Variants in BAIAP2 observed in about 807,000 individuals in gnomAD.
BAIAP2 encodes BAR/IMD domain-containing adapter protein 2.
BAIAP2 carries 18 observed loss-of-function variants against 63.0 expected under a neutral mutation model. The observed-to-expected ratio is 0.29, with a 90% CI of 0.20 to 0.42. The LOEUF (loss-of-function observed/expected upper bound fraction) is 0.42. Ranked by LOEUF, BAIAP2 falls within the 10% of genes least tolerant of loss-of-function variation. The probability of loss-of-function intolerance (pLI) is 1.00; values close to 1 mark genes in which losing one functional copy is unlikely to be tolerated. For missense variants in BAIAP2, 610 were observed against 734.3 expected (o/e 0.83, Z 1.96); for synonymous variants, 386 against 307.6 (o/e 1.25, Z -2.67).
At chr17:81,086,881 C>T (rs868582391) in intron 6 of BAIAP2, 4 of 289,094 alleles carry the variant, frequency 1.4e-5, no homozygotes, top group South Asian at 5.6e-5. Context: ...CATCCCTGCC[C>T]GGGAGTCCGG....
rs574692154 is a variant in BAIAP2, at chr17:81,116,614, G to T, written c.*775G>T. The T allele has an allele frequency of 6.6e-4, 288 of 434,924 alleles. 5 individuals carry two copies. In the South Asian group the frequency reaches 7.8e-3, roughly 12 times the overall value. The allele number at this position is 434,924 out of a possible 1,614,324, so 26.9% of individuals were successfully genotyped here. A position where few individuals can be genotyped will look rare whatever the true frequency, so the allele number is the denominator to read the frequency against. ...CAGGTGGGGGCTTCCCCGCTTCCGG[G>T]GTCTGCCCCAGGACTCCTGGGTGGA... On this transcript the variant is annotated 3_prime_UTR_variant, in exon 14 of 14. Coordinates refer to ENST00000428708, the MANE Select transcript of BAIAP2 (RefSeq NM_001144888.2).
At chr17:81,102,731 GT>G (rs11352809) in intron 7 of BAIAP2, among the ~76,000 whole-genome samples, 101,877 of 151,978 alleles carry the variant, frequency 0.67, 34,819 homozygotes, top group East Asian at 0.85. Flanking sequence ...ACGGGGATGA[GT>G]TGGGGGGAGC....
intron 7 of BAIAP2, among the ~76,000 whole-genome samples, chr17:81,101,637 A>G (rs1331861043): frequency 1.4e-5 from 1 of 69,798 alleles, no homozygotes; most frequent in Non-Finnish European, 4.0e-5. Flanking sequence ...GCGTGCGTGC[A>G]CACACACACA....
intron 10 of BAIAP2, chr17:81,105,372 C>T (rs1202094307): frequency 1.3e-5 from 2 of 154,060 alleles, no homozygotes; most frequent in African/African-American, 4.8e-5. Context: ...CATCAGTTTC[C>T]CACAGTTCGC....
At chr17:81,041,614 G>T (rs2047090442) in intron 1 of BAIAP2, among the ~76,000 whole-genome samples, 1 of 151,948 alleles carries the variant, frequency 6.6e-6, no homozygotes. Context: ...TGCTCTTGTT[G>T]CCCAGGCTGG....
At chr17:81,074,115 A>AG (rs1489829859) in intron 3 of BAIAP2, among the ~76,000 whole-genome samples, 2 of 152,218 alleles carry the variant, frequency 1.3e-5, no homozygotes, top group East Asian at 3.8e-4. Context: ...TGATGAGAGG[A>AG]GGATGCGTCT....
chr17:81,109,226 C>A, intron 13 of BAIAP2: 1 of 1,376,594 alleles, frequency 7.3e-7, no homozygotes, highest in Non-Finnish European at 9.4e-7. Flanking sequence ...CCTGTGTGTC[C>A]CAGCCTTTTG....
intron 1 of BAIAP2, 83 bp from the exon 2 acceptor site, chr17:81,053,585 G>A (rs1460174551): frequency 6.6e-7 from 1 of 1,507,564 alleles, no homozygotes; most frequent in Non-Finnish European, 9.2e-7. Context: ...CCTGCTCTGG[G>A]TTTTCTCCTC....
intron 3 of BAIAP2, among the ~76,000 whole-genome samples, chr17:81,077,698 G>A (rs185849470): frequency 1.3e-5 from 2 of 152,272 alleles, no homozygotes; most frequent in African/African-American, 2.4e-5. Context: ...CTGAGTATGC[G>A]GGTGGCTGTG....
chr17:81,092,368 C>T (rs746133018), intron 6 of BAIAP2, among the ~76,000 whole-genome samples: 9 of 152,226 alleles, frequency 5.9e-5, no homozygotes, highest in Non-Finnish European at 1.3e-4. Flanking sequence ...GGCCTTCAGC[C>T]TGAGCTGAAA....
chr17:81,112,877 C>T (rs2060079422), intron 13 of BAIAP2, among the ~76,000 whole-genome samples: 1 of 151,860 alleles, frequency 6.6e-6, no homozygotes, highest in Non-Finnish European at 1.5e-5. Flanking sequence ...CTAGGGAGAC[C>T]CCCATCTTGA....
At position 81,085,338 on chromosome 17, in the gene BAIAP2, C is replaced by T. The variant is rs879356625; in HGVS notation, c.280-316C>T. 128 of 551,030 alleles carry T rather than the reference C, an allele frequency of 2.3e-4. No individual in the cohort carries two copies. The Admixed American group carries it at 3.5e-3, about 15-fold the overall frequency. 34.1% of individuals were successfully genotyped at this position (551,030 alleles called of 1,614,324 possible). ...TGTCAGTTCAGGCCCATGGGCCCTG[C>T]GACCTCTCAGCCTGTGTCGCAGTGA... On this transcript the variant is annotated intron_variant, in intron 4 of 13. Coordinates refer to ENST00000428708, the MANE Select transcript of BAIAP2 (RefSeq NM_001144888.2).
intron 1 of BAIAP2, among the ~76,000 whole-genome samples, chr17:81,043,842 C>T (rs576741486): frequency 1.3e-5 from 2 of 152,358 alleles, no homozygotes; most frequent in East Asian, 1.9e-4. Context: ...CGCGTCTGTC[C>T]TTCCGTTCGG....
chr17:81,112,033 G>A lies in BAIAP2; in HGVS notation c.1535+3524G>A, dbSNP rs141546606. Among the ~76,000 whole-genome samples the A allele has an allele frequency of 9.9e-4, 151 of 152,368 alleles. 2 individuals carry two copies. Among genetic ancestry groups the A allele is most frequent in the Middle Eastern group, 3.4e-3 (1 of 294 alleles). On this transcript the variant is annotated intron_variant, in intron 13 of 13. Transcript: ENST00000428708. ...TCGGCAACAAATTCTGGAAGATTAG[G>A]TAGAAAAATGCTCCTGAACTTTGGG...
At chr17:81,098,672 A>G (rs1016378739) in intron 6 of BAIAP2, among the ~76,000 whole-genome samples, 4 of 152,140 alleles carry the variant, frequency 2.6e-5, no homozygotes, top group Non-Finnish European at 4.4e-5. Context: ...TGGGGAAATC[A>G]TTTTGGCTGG....
rs2060568178 is a variant in BAIAP2, at chr17:81,117,043, A to G, written c.*1204A>G. 3 of 152,296 alleles carry G rather than the reference A, an allele frequency of 2.0e-5. No homozygotes were observed. Among genetic ancestry groups the G allele is most frequent in the Admixed American group, 2.0e-4 (3 of 15,288 alleles). 9.4% of individuals were successfully genotyped at this position (152,296 alleles called of 1,614,324 possible). A position where few individuals can be genotyped will look rare whatever the true frequency, so the allele number is the denominator to read the frequency against. On this transcript the variant is annotated 3_prime_UTR_variant, in exon 14 of 14. Coordinates refer to ENST00000428708, the MANE Select transcript of BAIAP2 (RefSeq NM_001144888.2). The stretch of plus-strand genomic sequence containing the variant: ...CTGTCCTGGAGAGGCCTGTAGGTCC[A>G]TTCTTCACCCGTCCCTACCAGGCCA...
At position 81,046,970 on chromosome 17, in the gene BAIAP2, G is replaced by A. The variant is rs1028644217; in HGVS notation, c.55-6698G>A. 2.0e-5 allele frequency among the ~76,000 whole-genome samples: 3 copies of A among 152,206 alleles called. No individual in the cohort carries two copies. The highest frequency in any genetic ancestry group is 1.9e-4 in the East Asian group (1 of 5,196). On this transcript the variant is annotated intron_variant, in intron 1 of 13. Coordinates refer to ENST00000428708, the MANE Select transcript of BAIAP2 (RefSeq NM_001144888.2). The surrounding 1 kb of genome is among the most constrained non-coding windows in gnomAD (Gnocchi z 4.5). ...CAGCTGCCACCGGCTTCTGCCTGTC[G>A]CGACAGAGGTGGAAGTGAGGGCGGT...
At chr17:81,089,578 T>TCTCAGGTGGGGGGACA (rs11268331) in intron 6 of BAIAP2, among the ~76,000 whole-genome samples, 5 of 152,086 alleles carry the variant, frequency 3.3e-5, no homozygotes, top group African/African-American at 1.2e-4. Context: ...AGCACCTGTT[T>TCTCAGGTGGGGGGACA]CCCAACGGCT....
At chr17:81,085,576 G>T (rs148844869) in intron 4 of BAIAP2, 78 bp from the exon 5 acceptor site, 2 of 1,266,772 alleles carry the variant, frequency 1.6e-6, no homozygotes, top group African/African-American at 1.5e-5. Flanking sequence ...GTGCCCATCC[G>T]CTCTAGCCCT....
Sources: allele counts gnomAD v4.1 joint callset (sites outside exome capture counted in the v4.1 genomes callset), GRCh38; gene constraint gnomAD v4.1.1; non-coding constraint Gnocchi (gnomAD v3.1); transcripts MANE v1.5; gene names NCBI Gene and HGNC (gene_info 2026-07-23, HGNC 2026-07-21).